NR3C2: variants seen among roughly 807,000 people sequenced by gnomAD.
NR3C2 encodes mineralocorticoid receptor.
A neutral mutation model predicts 86.4 loss-of-function variants in NR3C2; 15 were observed. The observed-to-expected ratio is 0.17, with a 90% CI of 0.12 to 0.27. The LOEUF is 0.27. Ranked by LOEUF, NR3C2 falls within the 10% of genes least tolerant of loss-of-function variation. The probability of loss-of-function intolerance (pLI) is 1.00; values close to 1 mark genes in which losing one functional copy is unlikely to be tolerated. For synonymous variants in NR3C2, 458 were observed against 450.5 expected, an observed-to-expected ratio of 1.02 and a Z score of -0.21; for missense variants, 960 against 1,195.6, an observed-to-expected ratio of 0.80 and a Z score of 2.91.
At chr4:148,305,242 G>T (rs1204455154) in intron 2 of NR3C2, among the ~76,000 whole-genome samples, 2 of 151,906 alleles carry the variant, frequency 1.3e-5, no homozygotes, top group African/African-American at 4.8e-5. Context: ...CTCAATTTTT[G>T]TTCTAGATCA....
intron 1 of NR3C2, among the ~76,000 whole-genome samples, chr4:148,440,073 G>C (rs964810569): frequency 6.6e-6 from 1 of 152,138 alleles, no homozygotes; most frequent in African/African-American, 2.4e-5. Context: ...TTTGTTTAAG[G>C]TATTCTCATC....
chr4:148,206,295 C>T (rs1737004832), intron 3 of NR3C2, among the ~76,000 whole-genome samples: 1 of 152,158 alleles, frequency 6.6e-6, no homozygotes, highest in African/African-American at 2.4e-5. Flanking sequence ...AAAGCCAACG[C>T]CATCCTAAAT....
chr4:148,337,925 TC>T (rs1341468941), intron 2 of NR3C2, among the ~76,000 whole-genome samples: 5 of 152,212 alleles, frequency 3.3e-5, no homozygotes, highest in Middle Eastern at 3.2e-3. Context: ...GGTTAAGTGC[TC>T]ATAAAAACAG....
intron 2 of NR3C2, among the ~76,000 whole-genome samples, chr4:148,306,787 T>C (rs1055890162): frequency 3.9e-5 from 6 of 152,222 alleles, no homozygotes; most frequent in South Asian, 2.1e-4. Flanking sequence ...TTTCACCCTA[T>C]AAATATGCTG....
chr4:148,366,818 A>T (rs1257908902), intron 2 of NR3C2, among the ~76,000 whole-genome samples: 1 of 152,198 alleles, frequency 6.6e-6, no homozygotes, highest in Non-Finnish European at 1.5e-5. Context: ...TTAATTTACT[A>T]GGCTATCATA....
intron 7 of NR3C2, among the ~76,000 whole-genome samples, chr4:148,115,626 T>C (rs901908997): frequency 6.6e-6 from 1 of 152,234 alleles, no homozygotes; most frequent in Non-Finnish European, 1.5e-5. Flanking sequence ...GGCATACTGC[T>C]GTTTCCACAT....
chr4:148,204,790 G>A (rs940799499), intron 3 of NR3C2, among the ~76,000 whole-genome samples: 1 of 152,142 alleles, frequency 6.6e-6, no homozygotes, highest in African/African-American at 2.4e-5. Context: ...GAATTTGGTC[G>A]CACCTATAAT....
Position 148,101,678 on chromosome 4 carries a change from A to G in NR3C2, c.2799+12426T>C, listed in dbSNP as rs548078185. On this transcript the variant is annotated intron_variant, in intron 8 of 8. Transcript: ENST00000358102. The stretch of plus-strand genomic sequence containing the variant: ...CCATGGTCTGGAATAGAGTTTCGGG[A>G]TTATTTACAAAGATAGGCTTGTTAA... 8.8e-4 allele frequency among the ~76,000 whole-genome samples: 134 copies of G among 152,304 alleles called. 1 individual carries two copies. The highest frequency in any genetic ancestry group is 3.2e-3 in the African/African-American group (132 of 41,560).
chr4:148,338,538 C>A (rs1744600925), intron 2 of NR3C2, among the ~76,000 whole-genome samples: 1 of 151,892 alleles, frequency 6.6e-6, no homozygotes, highest in Non-Finnish European at 1.5e-5. Flanking sequence ...AAAATCAGGT[C>A]AAAAATCAAA....
chr4:148,323,751 G>A lies in NR3C2; in HGVS notation c.1758-63634C>T, dbSNP rs541939254. On this transcript the variant is annotated intron_variant, in intron 2 of 8. Coordinates refer to ENST00000358102, the MANE Select transcript of NR3C2 (RefSeq NM_000901.5). Reference sequence around the variant, plus strand: ...CCCTGCTTCGGCTCGCACACGGTGCGCGCACCCACTGACCTGTGCCCACTG... The same window carrying A: ...CCCTGCTTCGGCTCGCACACGGTGCACGCACCCACTGACCTGTGCCCACTG... Among the ~76,000 whole-genome samples, 157 of 152,154 alleles carry A rather than the reference G, an allele frequency of 1.0e-3. 1 individual carries two copies. Among genetic ancestry groups the A allele is most frequent in the Non-Finnish European group, 6.6e-4 (45 of 68,016 alleles).
intron 2 of NR3C2, among the ~76,000 whole-genome samples, chr4:148,333,041 A>T (rs11099692): frequency 0.13 from 19,170 of 152,098 alleles, 1,269 homozygotes; most frequent in Middle Eastern, 0.16. Context: ...CAAGGTGGGC[A>T]GATTGCTGGA....
intron 8 of NR3C2, among the ~76,000 whole-genome samples, chr4:148,109,812 A>G (rs973526556): frequency 6.6e-6 from 1 of 152,250 alleles, no homozygotes; most frequent in Non-Finnish European, 1.5e-5. Flanking sequence ...ACATAAAATT[A>G]CAACATATGT....
At chr4:148,119,583 C>T (rs187967297) in intron 7 of NR3C2, among the ~76,000 whole-genome samples, 90 of 152,236 alleles carry the variant, frequency 5.9e-4, no homozygotes, top group Non-Finnish European at 9.6e-4. Context: ...CACCGGAGTT[C>T]GAGACCAGCC....
At chr4:148,375,273 T>C (rs559467718) in intron 2 of NR3C2, among the ~76,000 whole-genome samples, 2 of 152,068 alleles carry the variant, frequency 1.3e-5, no homozygotes, top group South Asian at 4.2e-4. Context: ...CTGGCCAACA[T>C]GGTGAAACCC....
At chr4:148,126,356 G>T (rs1357426780) in intron 6 of NR3C2, among the ~76,000 whole-genome samples, 1 of 152,296 alleles carries the variant, frequency 6.6e-6, no homozygotes, top group Non-Finnish European at 1.5e-5. Flanking sequence ...TGCTTCTTAA[G>T]AGACCAATGA....
chr4:148,382,754 T>C (rs1183378897), intron 2 of NR3C2, among the ~76,000 whole-genome samples: 1 of 152,212 alleles, frequency 6.6e-6, no homozygotes, highest in Non-Finnish European at 1.5e-5. Context: ...ACACAATCTA[T>C]GTGTAGGTTA....
chr4:148,156,795 C>G (rs192189831), intron 4 of NR3C2, among the ~76,000 whole-genome samples: 2 of 152,066 alleles, frequency 1.3e-5, no homozygotes, highest in Non-Finnish European at 2.9e-5. Context: ...CCCAGCCATC[C>G]CATTACTGGG....
At chr4:148,133,788 T>C (rs1025462723) in intron 6 of NR3C2, among the ~76,000 whole-genome samples, 28 of 152,330 alleles carry the variant, frequency 1.8e-4, no homozygotes, top group African/African-American at 6.7e-4. Flanking sequence ...GTGGCTCACA[T>C]GGGCAGATGT....
chr4:148,358,602 C>T (rs1398979666), intron 2 of NR3C2, among the ~76,000 whole-genome samples: 10 of 148,838 alleles, frequency 6.7e-5, no homozygotes, highest in Admixed American at 2.7e-4. Context: ...GCACATGTAC[C>T]CTAGAACTTA....
Sources: gnomAD v4.1 joint callset for allele counts (sites outside exome capture counted in the v4.1 genomes callset) on GRCh38, gnomAD v4.1.1 for gene constraint, MANE v1.5 for transcripts, NCBI Gene and HGNC (gene_info 2026-07-23, HGNC 2026-07-21) for gene names.